Variants in STYX observed in about 807,000 individuals in gnomAD.
STYX encodes serine/threonine/tyrosine-interacting protein.
A neutral mutation model predicts 42.7 loss-of-function variants in STYX; 20 were observed. The ratio of observed to expected loss-of-function variants is 0.47; its 90% CI spans 0.33 to 0.68. The LOEUF is 0.68. Among genes scored for constraint, STYX ranks in the 30% least tolerant of loss-of-function variants. STYX has a pLI of 0.02. For missense variants in STYX, 226 were observed against 268.5 expected, an observed-to-expected ratio of 0.84 and a Z score of 1.11; for synonymous variants, 78 against 81.9, an observed-to-expected ratio of 0.95 and a Z score of 0.26.
intron 9 of STYX, 100 bp downstream of exon 9, chr14:52,759,854 C>T (rs1882024338): frequency 6.8e-6 from 5 of 732,708 alleles, no homozygotes; most frequent in Non-Finnish European, 1.1e-5. Context: ...CTTAAAATTG[C>T]CATAATCTGA....
intron 1 of STYX, among the ~76,000 whole-genome samples, chr14:52,743,711 A>G (rs1415815842): frequency 6.6e-6 from 1 of 152,242 alleles, no homozygotes; most frequent in African/African-American, 2.4e-5. Context: ...AGGTTAAAAA[A>G]ATATTTTCCA....
At chr14:52,762,922 C>T (rs865969787) in intron 9 of STYX, among the ~76,000 whole-genome samples, 62 of 96,214 alleles carry the variant, frequency 6.4e-4, no homozygotes, top group Admixed American at 4.9e-3. Context: ...GCAGAGTCTT[C>T]TGCTCTGTTG....
At chr14:52,752,315 A>G (rs1881650268) in intron 4 of STYX, among the ~76,000 whole-genome samples, 1 of 151,460 alleles carries the variant, frequency 6.6e-6, no homozygotes, top group East Asian at 1.9e-4. Context: ...AAATACAAAA[A>G]TTATCTGGGC....
At chr14:52,733,401 A>G (rs1415514296) in intron 1 of STYX, among the ~76,000 whole-genome samples, 1 of 152,164 alleles carries the variant, frequency 6.6e-6, no homozygotes, top group Admixed American at 6.5e-5. Flanking sequence ...TCCAGCAGGC[A>G]TGAACTGAAT....
chr14:52,735,685 C>A (rs1880919694), intron 1 of STYX, among the ~76,000 whole-genome samples: 2 of 152,174 alleles, frequency 1.3e-5, no homozygotes, highest in African/African-American at 4.8e-5. Context: ...ACACAGGGAG[C>A]ACTACCTGGA....
At chr14:52,733,015 CT>C (rs1880797537) in intron 1 of STYX, among the ~76,000 whole-genome samples, 1 of 152,174 alleles carries the variant, frequency 6.6e-6, no homozygotes, top group East Asian at 1.9e-4. Context: ...CAGCACTTAA[CT>C]GCAAGCAACC....
In STYX at chr14:52,730,205, T is replaced by G. The variant is rs1414313133; in HGVS notation, c.-270T>G. ...TTCCTGTGCTGGATCCTGGGCGGCC[T>G]GAGGGGTACGGAGACTCTGGGGGAG... On this transcript the variant is annotated 5_prime_UTR_variant, in exon 1 of 11. Transcript: ENST00000354586. The G allele has an allele frequency of 1.4e-5, 7 of 506,544 alleles. No homozygotes were observed. The highest frequency in any genetic ancestry group is 2.1e-5 in the Non-Finnish European group (6 of 283,532). 31.4% of individuals were successfully genotyped at this position (506,544 alleles called of 1,614,324 possible).
At chr14:52,742,883 G>A (rs757214741) in intron 1 of STYX, among the ~76,000 whole-genome samples, 1 of 150,000 alleles carries the variant, frequency 6.7e-6, no homozygotes, top group South Asian at 2.1e-4. Context: ...TGCAACCTCC[G>A]CTTCCAGGTT....
intron 1 of STYX, among the ~76,000 whole-genome samples, chr14:52,732,664 T>TTTTA (rs1045924892): frequency 4.6e-5 from 7 of 151,832 alleles, no homozygotes; most frequent in African/African-American, 1.7e-4. Context: ...AAGAGTATGC[T>TTTTA]TTTATTTATT....
intron 1 of STYX, among the ~76,000 whole-genome samples, chr14:52,738,545 G>T (rs745320915): frequency 7.9e-5 from 12 of 152,102 alleles, no homozygotes; most frequent in Admixed American, 4.6e-4. Context: ...TCTCCCTAAA[G>T]AATTTTTTTG....
In STYX at chr14:52,730,415, G is replaced by C. The variant is rs1880643880; in HGVS notation, c.-60G>C. ...TTCCTTCCGCCGCCGCAGCCAGCCC[G>C]AGGGTCGGCCGGCTGTGTAACACTC... is the stretch of plus-strand genomic sequence containing the variant. On this transcript the variant is annotated 5_prime_UTR_variant, in exon 1 of 11. Transcript: ENST00000354586. 3 of 1,581,990 alleles carry C rather than the reference G, an allele frequency of 1.9e-6. No homozygotes were observed. Among genetic ancestry groups the C allele is most frequent in the South Asian group, 1.1e-5 (1 of 88,482 alleles).
chr14:52,763,334 T>G (rs890931616), intron 9 of STYX, among the ~76,000 whole-genome samples: 5 of 152,232 alleles, frequency 3.3e-5, no homozygotes, highest in Admixed American at 6.5e-5. Flanking sequence ...ATTATTTTTT[T>G]TCTTCATCTG....
chr14:52,741,099 T>TTAG (rs1881171697), intron 1 of STYX, among the ~76,000 whole-genome samples: 1 of 152,120 alleles, frequency 6.6e-6, no homozygotes, highest in African/African-American at 2.4e-5. Flanking sequence ...TATCCCTGAG[T>TTAG]ACTACTATTC....
rs1882550490 is a variant in STYX at position 52,772,490 on chromosome 14, A to G, written c.*1384A>G. On this transcript the variant is annotated 3_prime_UTR_variant, in exon 11 of 11. Transcript: ENST00000354586. ...CTATTTTAAGTATGTAAGGGAAGAG[A>G]GGAGTGTTTTTAACTTTTTATAGTT... The G allele has an allele frequency of 6.6e-6, 1 of 152,572 alleles. No homozygotes were observed. The highest frequency in any genetic ancestry group is 1.5e-5 in the Non-Finnish European group (1 of 67,994). 9.5% of individuals were successfully genotyped at this position (152,572 alleles called of 1,614,324 possible). A position where few individuals can be genotyped will look rare whatever the true frequency, so the allele number is the denominator to read the frequency against.
chr14:52,748,126 G>A (rs1423143493), intron 3 of STYX, among the ~76,000 whole-genome samples: 1 of 152,084 alleles, frequency 6.6e-6, no homozygotes, highest in Non-Finnish European at 1.5e-5. Context: ...CCATAATATA[G>A]CCCATATTTC....
intron 1 of STYX, among the ~76,000 whole-genome samples, chr14:52,739,048 C>T (rs571487796): frequency 3.3e-5 from 5 of 151,510 alleles, no homozygotes; most frequent in South Asian, 4.2e-4. Context: ...ACCTTTTCTC[C>T]GTTTAGTTTA....
intron 1 of STYX, among the ~76,000 whole-genome samples, chr14:52,738,263 A>T (rs925591055): frequency 1.3e-5 from 2 of 152,208 alleles, no homozygotes; most frequent in Non-Finnish European, 1.5e-5. Context: ...TTCTCTGAAG[A>T]AGGCTTCTTA....
chr14:52,747,146 A>G (rs1881425816), intron 3 of STYX, among the ~76,000 whole-genome samples: 1 of 152,212 alleles, frequency 6.6e-6, no homozygotes, highest in South Asian at 2.1e-4. Context: ...ATCCGTATAG[A>G]TATTCTACAT....
At chr14:52,757,538 A>G (rs1881921484) in intron 6 of STYX, among the ~76,000 whole-genome samples, 183 bp downstream of exon 6, 1 of 152,138 alleles carries the variant, frequency 6.6e-6, no homozygotes, top group South Asian at 2.1e-4. Context: ...ATCCCTGTAG[A>G]CTGTTTTCAA....
Sources: gnomAD v4.1 joint callset for allele counts (sites outside exome capture counted in the v4.1 genomes callset) on GRCh38, gnomAD v4.1.1 for gene constraint, MANE v1.5 for transcripts, NCBI Gene and HGNC (gene_info 2026-07-23, HGNC 2026-07-21) for gene names.